Variants in OSBPL10 observed in about 807,000 individuals in gnomAD.
OSBPL10 encodes oxysterol binding protein like 10.
A neutral mutation model predicts 81.7 loss-of-function variants in OSBPL10; 49 were observed. That is an observed-to-expected ratio of 0.60 (90% CI 0.48 to 0.76). OSBPL10 has a LOEUF of 0.76. OSBPL10 is among the 30% of genes least tolerant of loss of function. The pLI is 0.00. For missense variants in OSBPL10, 923 were observed against 987.8 expected (o/e 0.93, Z 0.88); for synonymous variants, 419 against 383.6 (o/e 1.09, Z -1.08).
chr3:31,992,129 G>A (rs968290779), intron 2 of OSBPL10, among the ~76,000 whole-genome samples: 15 of 144,526 alleles, frequency 1.0e-4, no homozygotes, highest in Non-Finnish European at 1.5e-4. Context: ...CTAGGCAACA[G>A]AGCGAGACTC....
chr3:31,889,747 T>C (rs1219093755), intron 1 of OSBPL10, among the ~76,000 whole-genome samples: 1 of 152,092 alleles, frequency 6.6e-6, no homozygotes, highest in Non-Finnish European at 1.5e-5. Flanking sequence ...TATAGCACAA[T>C]ACAATGATGC....
chr3:31,894,886 T>C (rs552376999), intron 1 of OSBPL10, among the ~76,000 whole-genome samples: 33 of 152,312 alleles, frequency 2.2e-4, no homozygotes, highest in Non-Finnish European at 4.3e-4. Context: ...ATGTGATCAA[T>C]TGACTAAGTT....
At chr3:31,739,891 T>C (rs1168485930) in intron 5 of OSBPL10, among the ~76,000 whole-genome samples, 1 of 152,272 alleles carries the variant, frequency 6.6e-6, no homozygotes, top group African/African-American at 2.4e-5. Flanking sequence ...GTTAAAAATA[T>C]TGCATTAAAA....
chr3:31,844,237 G>A (rs574446064), intron 3 of OSBPL10, among the ~76,000 whole-genome samples: 2 of 152,280 alleles, frequency 1.3e-5, no homozygotes, highest in South Asian at 2.1e-4. Context: ...TTCCAACCGT[G>A]AACTGCCATG....
chr3:31,803,151 A>G (rs1416798256), intron 4 of OSBPL10, among the ~76,000 whole-genome samples: 1 of 152,090 alleles, frequency 6.6e-6, no homozygotes, highest in African/African-American at 2.4e-5. Flanking sequence ...CCTTTTCAAA[A>G]GAAGAAGGCA....
chr3:31,713,367 C>T (rs1696328748), intron 6 of OSBPL10, among the ~76,000 whole-genome samples: 1 of 152,010 alleles, frequency 6.6e-6, no homozygotes, highest in South Asian at 2.1e-4. Context: ...CCCCTCACTT[C>T]ACTCAGATCT....
chr3:31,810,126 C>T (rs1041901712), intron 4 of OSBPL10, among the ~76,000 whole-genome samples: 1 of 152,094 alleles, frequency 6.6e-6, no homozygotes, highest in Non-Finnish European at 1.5e-5. Context: ...CCACCTCAGC[C>T]TCCCAAAGTG....
intron 3 of OSBPL10, among the ~76,000 whole-genome samples, chr3:31,860,415 G>T (rs1004769402): frequency 2.0e-5 from 3 of 152,186 alleles, no homozygotes; most frequent in African/African-American, 7.2e-5. Context: ...ACCAAGTCAT[G>T]AAACTGCATT....
intron 4 of OSBPL10, among the ~76,000 whole-genome samples, chr3:31,783,111 T>TTTTATATATATATA (rs1048319563): frequency 1.2e-4 from 15 of 121,604 alleles, no homozygotes; most frequent in African/African-American, 3.3e-4. Flanking sequence ...AATATATCTA[T>TTTTATATATATATA]TATATATATA....
intron 1 of OSBPL10, among the ~76,000 whole-genome samples, chr3:31,897,392 A>G (rs952070390): frequency 6.6e-6 from 1 of 152,218 alleles, no homozygotes; most frequent in Admixed American, 6.5e-5. Context: ...AATGAAAAGA[A>G]AATGTGATAA....
Position 31,680,767 on chromosome 3 carries a change from C to G in OSBPL10, c.1726+2867G>C, listed in dbSNP as rs544278358. On this transcript the variant is annotated intron_variant, in intron 8 of 11. Transcript: ENST00000396556. ...ATTCTCTACAGCACAGCTGGAAACC[C>G]TGGAGCATATGGTGGACAAATGCCC... is the stretch of plus-strand genomic sequence containing the variant. Among the ~76,000 whole-genome samples, 4 of 152,264 alleles carry G rather than the reference C, an allele frequency of 2.6e-5. No homozygotes were observed. In the South Asian group the frequency reaches 8.3e-4, roughly 32 times the overall value.
intron 4 of OSBPL10, among the ~76,000 whole-genome samples, chr3:31,786,647 C>A (rs1040013843): frequency 6.6e-6 from 1 of 152,190 alleles, no homozygotes; most frequent in African/African-American, 2.4e-5. Context: ...TACCTCTTAA[C>A]GCTGTTGCCC....
At chr3:31,869,184 T>C (rs1034854268) in intron 3 of OSBPL10, among the ~76,000 whole-genome samples, 3 of 152,124 alleles carry the variant, frequency 2.0e-5, no homozygotes, top group African/African-American at 7.2e-5. Flanking sequence ...GAGACAGATA[T>C]CATCATTTCA....
At chr3:31,980,374 GCA>G (rs1698800234) in intron 1 of OSBPL10, among the ~76,000 whole-genome samples, 1 of 152,216 alleles carries the variant, frequency 6.6e-6, no homozygotes, top group Non-Finnish European at 1.5e-5. Context: ...GCAGGAGTAT[GCA>G]CAGTCGCCCA....
chr3:31,879,106 TA>T (rs1257833520), intron 2 of OSBPL10, among the ~76,000 whole-genome samples: 2 of 152,106 alleles, frequency 1.3e-5, no homozygotes, highest in Non-Finnish European at 2.9e-5. Context: ...TTTTCTTTAT[TA>T]AAGCAAAGAT....
chr3:31,860,422 C>T (rs1039629127), intron 3 of OSBPL10, among the ~76,000 whole-genome samples: 21 of 152,084 alleles, frequency 1.4e-4, no homozygotes, highest in African/African-American at 4.3e-4. Flanking sequence ...CATGAAACTG[C>T]ATTAGAAGGA....
At chr3:31,797,820 T>G (rs1326287037) in intron 4 of OSBPL10, 1 of 456,348 alleles carries the variant, frequency 2.2e-6, no homozygotes, top group Non-Finnish European at 4.4e-6. Flanking sequence ...TCACACATGT[T>G]GTTGAGCATA....
chr3:31,888,253 G>T (rs1048217588), intron 1 of OSBPL10, among the ~76,000 whole-genome samples: 1 of 152,072 alleles, frequency 6.6e-6, no homozygotes, highest in Non-Finnish European at 1.5e-5. Flanking sequence ...AAATGGTGCG[G>T]GGACAACTGG....
chr3:31,817,015 T>A (rs545040260), intron 4 of OSBPL10, among the ~76,000 whole-genome samples: 13 of 152,252 alleles, frequency 8.5e-5, no homozygotes, highest in Non-Finnish European at 1.6e-4. Context: ...GGCCATCTCG[T>A]CTCTGCCCAC....
Sources: gnomAD v4.1 joint callset for allele counts (sites outside exome capture counted in the v4.1 genomes callset) on GRCh38, gnomAD v4.1.1 for gene constraint, MANE v1.5 for transcripts, NCBI Gene and HGNC (gene_info 2026-07-23, HGNC 2026-07-21) for gene names.